The following PTPRT variants were observed in gnomAD, a reference collection of about 807,000 sequenced individuals.
The protein encoded by PTPRT is protein tyrosine phosphatase receptor type T.
A neutral mutation model predicts 176.8 loss-of-function variants in PTPRT; 56 were observed. The ratio of observed to expected loss-of-function variants is 0.32; its 90% CI spans 0.26 to 0.40. PTPRT has a LOEUF of 0.40. PTPRT is among the 10% of genes least tolerant of loss of function. The pLI, the probability that PTPRT is intolerant of heterozygous loss-of-function variation, is 1.00. For missense variants in PTPRT, 1,540 were observed against 1,908.2 expected, an observed-to-expected ratio of 0.81 and a Z score of 3.60; for synonymous variants, 783 against 739.0, an observed-to-expected ratio of 1.06 and a Z score of -0.96.
At chr20:42,469,091 T>C (rs2071149090) in intron 8 of PTPRT, among the ~76,000 whole-genome samples, 1 of 152,270 alleles carries the variant, frequency 6.6e-6, no homozygotes, top group Middle Eastern at 3.4e-3. Flanking sequence ...GTTTTTTTTT[T>C]CTCCTGTGAT....
rs149668914 is a variant in PTPRT, at chr20:42,531,232, T to A, written c.1154-58670A>T. Among the ~76,000 whole-genome samples, 419 of 152,334 alleles carry A rather than the reference T, an allele frequency of 2.8e-3. 2 individuals are homozygous for A. Among genetic ancestry groups the A allele is most frequent in the African/African-American group, 9.7e-3 (403 of 41,576 alleles). ...TCTGAAATGTTTTGCAATGAGTTAC[T>A]ATTTTGCAATGAGTCTATCTCCTTT... On this transcript the variant is annotated intron_variant, in intron 7 of 30. Transcript: ENST00000373187.
In PTPRT at chr20:42,419,124, G is replaced by A. The variant is rs183566930; in HGVS notation, c.1560+29096C>T. 2.1e-3 allele frequency among the ~76,000 whole-genome samples: 313 copies of A among 152,326 alleles called. 1 individual carries two copies. Among genetic ancestry groups the A allele is most frequent in the Non-Finnish European group, 3.2e-3 (218 of 68,024 alleles). On this transcript the variant is annotated intron_variant, in intron 9 of 30. Transcript: ENST00000373187. The stretch of plus-strand genomic sequence containing the variant: ...TGAGACACTGTAACAGCTACAATGA[G>A]CCTGGTTTTCTCTGTGACGACTTTT...
intron 1 of PTPRT, among the ~76,000 whole-genome samples, chr20:43,046,977 C>T (rs532302213): frequency 5.4e-4 from 82 of 152,150 alleles, no homozygotes; most frequent in Non-Finnish European, 9.6e-4. Flanking sequence ...AATAATTCTT[C>T]GGCAATTATT....
intron 12 of PTPRT, among the ~76,000 whole-genome samples, chr20:42,284,953 C>T (rs1354121593): frequency 7.3e-6 from 1 of 136,538 alleles, no homozygotes; most frequent in Admixed American, 7.4e-5. Context: ...AGAACATACC[C>T]AAAAGATGAA....
chr20:42,295,879 T>C (rs1600796524), intron 12 of PTPRT, among the ~76,000 whole-genome samples: 1 of 152,362 alleles, frequency 6.6e-6, no homozygotes, highest in Non-Finnish European at 1.5e-5. Context: ...TAAGGGGCTC[T>C]AGTTCCTTTG....
At chr20:42,154,790 C>T (rs1372642680) in intron 17 of PTPRT, among the ~76,000 whole-genome samples, 1 of 152,284 alleles carries the variant, frequency 6.6e-6, no homozygotes, top group Non-Finnish European at 1.5e-5. Context: ...CTCCAGCCCA[C>T]ATCTCTTATA....
intron 29 of PTPRT, among the ~76,000 whole-genome samples, chr20:42,084,119 G>A (rs1316961593): frequency 6.6e-6 from 1 of 152,232 alleles, no homozygotes; most frequent in Non-Finnish European, 1.5e-5. Context: ...ATAAAATTCA[G>A]TGATTTTCTT....
intron 7 of PTPRT, among the ~76,000 whole-genome samples, chr20:42,508,127 T>TTGTGTGTG (rs57895943): frequency 6.8e-6 from 1 of 146,614 alleles, no homozygotes; most frequent in Admixed American, 6.7e-5. Flanking sequence ...ATTACCCTTT[T>TTGTGTGTG]TGTGTGTGTG....
intron 2 of PTPRT, among the ~76,000 whole-genome samples, chr20:42,852,644 T>G (rs2078495564): frequency 6.6e-6 from 1 of 152,194 alleles, no homozygotes; most frequent in East Asian, 1.9e-4. Flanking sequence ...TTTTCTCCAC[T>G]GGCTCATCCT....
intron 18 of PTPRT, among the ~76,000 whole-genome samples, chr20:42,130,089 GTTCTCTT>G: frequency 6.6e-6 from 1 of 152,234 alleles, no homozygotes; most frequent in Non-Finnish European, 1.5e-5. Context: ...GAGGAGTGAA[GTTCTCTT>G]AACTCTGAGT....
chr20:43,167,929 A>C (rs2014898101), intron 1 of PTPRT, among the ~76,000 whole-genome samples: 1 of 152,230 alleles, frequency 6.6e-6, no homozygotes, highest in Non-Finnish European at 1.5e-5. Flanking sequence ...AGATGTTAAA[A>C]GCAAAGAACT....
In PTPRT at chr20:42,823,214, G is replaced by C. The variant is rs572682998; in HGVS notation, c.215-31748C>G. Among the ~76,000 whole-genome samples the C allele has an allele frequency of 3.9e-5, 6 of 152,228 alleles. No homozygotes were observed. The East Asian group carries it at 7.7e-4, about 20-fold the overall frequency. On this transcript the variant is annotated intron_variant, in intron 2 of 30. Transcript: ENST00000373187. ...ATGGAATACTATGCAGCCATAAAAA[G>C]GAATGAGATCATGTGCTTTGCAGGG...
chr20:42,396,963 A>G (rs1290188004), intron 9 of PTPRT, among the ~76,000 whole-genome samples: 2 of 152,186 alleles, frequency 1.3e-5, no homozygotes, highest in Non-Finnish European at 1.5e-5. Context: ...CAGGTCTTTC[A>G]TTGAAAATAA....
At chr20:42,562,916 C>G (rs1041790823) in intron 7 of PTPRT, among the ~76,000 whole-genome samples, 4 of 152,044 alleles carry the variant, frequency 2.6e-5, no homozygotes, top group African/African-American at 9.7e-5. Context: ...GAAATATATT[C>G]TAGAAAGATT....
chr20:42,481,013 A>C (rs893601572), intron 7 of PTPRT, among the ~76,000 whole-genome samples: 1 of 151,188 alleles, frequency 6.6e-6, no homozygotes, highest in South Asian at 2.1e-4. Flanking sequence ...ACTCTAAGGC[A>C]GAAGTAGGTG....
rs1486739676 is a variant in PTPRT at position 42,322,527 on chromosome 20, T to C, written c.1866-6531A>G. 2.7e-5 allele frequency among the ~76,000 whole-genome samples: 3 copies of C among 112,434 alleles called. 1 individual carries two copies. The East Asian group carries it at 7.1e-4, about 27-fold the overall frequency. The allele number at this position is 112,434 out of a possible 152,430, so 73.8% of individuals were successfully genotyped here. A position where few individuals can be genotyped will look rare whatever the true frequency, so the allele number is the denominator to read the frequency against. On this transcript the variant is annotated intron_variant, in intron 11 of 30. Transcript: ENST00000373187. ...AATGGGGAAAGGATTCCCTCTCTAA[T>C]AAATGGTGCTGGGTAAACTGGCTAG...
At chr20:42,916,030 T>C (rs184654710) in intron 1 of PTPRT, among the ~76,000 whole-genome samples, 296 of 152,174 alleles carry the variant, frequency 1.9e-3, no homozygotes, top group African/African-American at 6.8e-3. Context: ...TAGTTACATA[T>C]GTATACATGT....
At chr20:43,116,420 C>A (rs965729131) in intron 1 of PTPRT, among the ~76,000 whole-genome samples, 3 of 152,196 alleles carry the variant, frequency 2.0e-5, no homozygotes, top group African/African-American at 7.2e-5. Context: ...TTATTACCAT[C>A]AATATCCTGA....
intron 14 of PTPRT, among the ~76,000 whole-genome samples, chr20:42,245,304 A>G (rs757886292): frequency 5.9e-5 from 9 of 152,166 alleles, no homozygotes; most frequent in Non-Finnish European, 1.2e-4. Flanking sequence ...TGTCCATGCA[A>G]TCCTAATTCC....
Sources: allele counts gnomAD v4.1 joint callset (sites outside exome capture counted in the v4.1 genomes callset), GRCh38; gene constraint gnomAD v4.1.1; transcripts MANE v1.5; gene names NCBI Gene and HGNC (gene_info 2026-07-23, HGNC 2026-07-21).